Variants in PKN2 observed in about 807,000 individuals in gnomAD.
The protein encoded by PKN2 is protein kinase N2.
PKN2 carries 38 observed loss-of-function variants against 119.1 expected under a neutral mutation model. The observed-to-expected ratio is 0.32, with a 90% confidence interval of 0.25 to 0.42. PKN2 has a LOEUF of 0.42. PKN2 is among the 10% of genes least tolerant of loss of function. The pLI, the probability that PKN2 is intolerant of heterozygous loss-of-function variation, is 1.00. For synonymous variants in PKN2, 390 were observed against 384.9 expected (o/e 1.01, Z -0.15); for missense variants, 850 against 1,165.1 (o/e 0.73, Z 3.94).
rs1666239380 is a variant in PKN2, at chr1:88,689,299, TC to T, written c.48+4674del. ...CTGACAGACTTTTTCCACCTAAAAGTCCCATGGCTGTAGAGTCCATTTTTTC... is the reference window on the plus strand; with the variant it reads ...CTGACAGACTTTTTCCACCTAAAAGTCCATGGCTGTAGAGTCCATTTTTTC... On this transcript the variant is annotated intron_variant, in intron 1 of 21. Coordinates refer to ENST00000370521, the MANE Select transcript of PKN2 (RefSeq NM_006256.4). 2.6e-5 allele frequency among the ~76,000 whole-genome samples: 4 copies of T among 152,286 alleles called. No homozygotes were observed. The South Asian group carries it at 8.3e-4, about 32-fold the overall frequency.
chr1:88,730,451 G>A (rs1436267611), intron 1 of PKN2, among the ~76,000 whole-genome samples: 2 of 152,204 alleles, frequency 1.3e-5, no homozygotes, highest in African/African-American at 2.4e-5. Flanking sequence ...TTTGTTCCTC[G>A]TTACAAGATG....
intron 1 of PKN2, among the ~76,000 whole-genome samples, chr1:88,725,515 T>C (rs754249231): frequency 2.0e-5 from 3 of 152,218 alleles, no homozygotes; most frequent in Non-Finnish European, 2.9e-5. Flanking sequence ...ATGTTGGCAA[T>C]CTTTTTATGT....
In PKN2 at chr1:88,807,355, A is replaced by G; in HGVS notation, c.1846A>G (p.Ile616Val). Residue 616 changes from isoleucine to valine, a missense_variant, in exon 13 of 22, where the codon ATA (isoleucine) becomes GTA (valine). Transcript: ENST00000370521. The stretch of plus-strand genomic sequence containing the variant: ...TGATATTCAGAATGACAGAAATAGT[A>G]TACTTCCAAAATCTCAATCTGAATA... Reference protein sequence around the residue: ...VFDIQNDRNSILPKSQSEYKP... With the variant: ...VFDIQNDRNSVLPKSQSEYKP... The G allele has an allele frequency of 6.3e-7, 1 of 1,590,524 alleles. No homozygotes were observed. The highest frequency in any genetic ancestry group is 1.7e-5 in the Admixed American group (1 of 59,282).
rs185475956 is a variant in PKN2, at chr1:88,690,793, G to A, written c.48+6165G>A. ...ATGAAGATCAAGAAAGCATGGGACA[G>A]TGTACTTGATGACAGTAAACACCTT... On this transcript the variant is annotated intron_variant, in intron 1 of 21. Coordinates refer to ENST00000370521, the MANE Select transcript of PKN2 (RefSeq NM_006256.4). 3.9e-5 allele frequency among the ~76,000 whole-genome samples: 6 copies of A among 152,228 alleles called. No homozygotes were observed. In the East Asian group the frequency reaches 7.7e-4, roughly 20 times the overall value.
rs1292142944 is a variant in PKN2, at chr1:88,824,274, T to G, written c.2343-36T>G. 4 of 1,093,208 alleles carry G rather than the reference T, an allele frequency of 3.7e-6. No homozygotes were observed. In the Admixed American group the frequency reaches 8.1e-5, roughly 22 times the overall value. The allele number at this position is 1,093,208 out of a possible 1,614,324, so 67.7% of individuals were successfully genotyped here. The stretch of plus-strand genomic sequence containing the variant: ...GTATAACCTACTGATTTCTTTGATT[T>G]TTTTTTTTCATGCTGTATCTTTTTA... On this transcript the variant is annotated intron_variant, in intron 17 of 21. Transcript: ENST00000370521.
chr1:88,715,560 T>C (rs1166337792), intron 1 of PKN2, among the ~76,000 whole-genome samples: 1 of 152,156 alleles, frequency 6.6e-6, no homozygotes, highest in Non-Finnish European at 1.5e-5. Flanking sequence ...TGCCTAGAGG[T>C]GTTTATAGTA....
intron 2 of PKN2, among the ~76,000 whole-genome samples, chr1:88,752,602 A>T (rs903733023): frequency 6.6e-6 from 1 of 152,140 alleles, no homozygotes; most frequent in African/African-American, 2.4e-5. Flanking sequence ...ACACATTTAG[A>T]ATTGATGCAT....
At chr1:88,827,704 GAT>G (rs1285462001) in intron 18 of PKN2, among the ~76,000 whole-genome samples, 8 of 130,206 alleles carry the variant, frequency 6.1e-5, no homozygotes, top group African/African-American at 2.3e-4. Flanking sequence ...TATATATTGA[GAT>G]ATATATATGT....
At chr1:88,746,669 T>C (rs908273619) in intron 2 of PKN2, among the ~76,000 whole-genome samples, 10 of 152,112 alleles carry the variant, frequency 6.6e-5, no homozygotes, top group African/African-American at 2.4e-4. Context: ...ATTGTAACAT[T>C]AGTATGGCCA....
chr1:88,696,270 G>GA (rs1666539812), intron 1 of PKN2, among the ~76,000 whole-genome samples: 3 of 152,292 alleles, frequency 2.0e-5, no homozygotes, highest in Middle Eastern at 3.4e-3. Flanking sequence ...AACAGTTGCA[G>GA]AAAATAGAAA....
chr1:88,703,872 T>TAGTAGA (rs1246570627), intron 1 of PKN2, among the ~76,000 whole-genome samples: 3 of 152,104 alleles, frequency 2.0e-5, no homozygotes, highest in African/African-American at 7.2e-5. Context: ...ATCCTAACTC[T>TAGTAGA]AGTAGAAGAT....
At chr1:88,828,151 A>C (rs1268806792) in intron 18 of PKN2, among the ~76,000 whole-genome samples, 2 of 152,190 alleles carry the variant, frequency 1.3e-5, no homozygotes, top group African/African-American at 4.8e-5. Context: ...AACTTATTTA[A>C]GATTGAATTG....
intron 1 of PKN2, among the ~76,000 whole-genome samples, chr1:88,720,068 T>G (rs1478945647): frequency 1.3e-5 from 2 of 152,158 alleles, no homozygotes; most frequent in Admixed American, 1.3e-4. Flanking sequence ...GGTCTCACTC[T>G]GTTGCTCAGG....
At chr1:88,819,781 G>A (rs747885005) in intron 16 of PKN2, among the ~76,000 whole-genome samples, 116 of 152,138 alleles carry the variant, frequency 7.6e-4, no homozygotes, top group Non-Finnish European at 1.5e-3. Context: ...ATGATAGACT[G>A]CATAAAGAAA....
chr1:88,801,373 GA>G (rs1412140118), intron 8 of PKN2, among the ~76,000 whole-genome samples: 4 of 152,058 alleles, frequency 2.6e-5, no homozygotes, highest in African/African-American at 7.2e-5. Flanking sequence ...CAATAAGAGT[GA>G]AACCCCATCT....
At chr1:88,740,571 A>G (rs1193671102) in intron 1 of PKN2, among the ~76,000 whole-genome samples, 2 of 152,226 alleles carry the variant, frequency 1.3e-5, no homozygotes, top group African/African-American at 4.8e-5. Flanking sequence ...CAGTATCTCT[A>G]AAAGGTGGCT....
chr1:88,743,880 T>TTTTTTTTTTTTTTTTTTTTTTTG (rs1175726708), intron 2 of PKN2, among the ~76,000 whole-genome samples: 2 of 152,130 alleles, frequency 1.3e-5, no homozygotes, highest in African/African-American at 4.8e-5. Context: ...TGACCATTTT[T>TTTTTTTTTTTTTTTTTTTTTTTG]AATACTGACA....
intron 6 of PKN2, among the ~76,000 whole-genome samples, chr1:88,778,610 C>A (rs1270580264): frequency 6.6e-6 from 1 of 152,224 alleles, no homozygotes; most frequent in Non-Finnish European, 1.5e-5. Context: ...CTATTGTTTA[C>A]CCCAACTGAT....
rs892516909 is a variant in PKN2 at position 88,835,922 on chromosome 1, A to G, written c.*2474A>G. 2 of 152,110 alleles carry G rather than the reference A, an allele frequency of 1.3e-5. No individual in the cohort carries two copies. Among genetic ancestry groups the G allele is most frequent in the Non-Finnish European group, 2.9e-5 (2 of 67,982 alleles). The allele number at this position is 152,110 out of a possible 1,614,324, so 9.4% of individuals were successfully genotyped here. A position where few individuals can be genotyped will look rare whatever the true frequency, so the allele number is the denominator to read the frequency against. The stretch of plus-strand genomic sequence containing the variant: ...AACTTTAATAAACATTCTTGCAAGT[A>G]CTTTTTGTCCTAGTGAAGGCTTAAA... On this transcript the variant is annotated 3_prime_UTR_variant, in exon 22 of 22. Coordinates refer to ENST00000370521, the MANE Select transcript of PKN2 (RefSeq NM_006256.4).
Sources: allele counts gnomAD v4.1 joint callset (sites outside exome capture counted in the v4.1 genomes callset), GRCh38; gene constraint gnomAD v4.1.1; transcripts MANE v1.5; gene names NCBI Gene and HGNC (gene_info 2026-07-23, HGNC 2026-07-21).